SCML4: variants seen among roughly 807,000 people sequenced by gnomAD.
The protein encoded by SCML4 is Scm polycomb group protein like 4.
A neutral mutation model predicts 41.1 loss-of-function variants in SCML4; 34 were observed. The ratio of observed to expected loss-of-function variants is 0.83; its 90% CI spans 0.63 to 1.10. The LOEUF is 1.10. Ranked by LOEUF, SCML4 falls within the 50% of genes least tolerant of loss-of-function variation. SCML4 has a pLI of 0.00. For missense variants in SCML4, 522 were observed against 534.1 expected (o/e 0.98, Z 0.22); for synonymous variants, 214 against 220.9 (o/e 0.97, Z 0.28).
chr6:107,786,911 T>C (rs1781939926), intron 1 of SCML4, among the ~76,000 whole-genome samples: 1 of 152,226 alleles, frequency 6.6e-6, no homozygotes, highest in South Asian at 2.1e-4. Context: ...TCATCTCTTT[T>C]AATTTTCACA....
intron 3 of SCML4, among the ~76,000 whole-genome samples, chr6:107,748,630 C>T (rs1235073114): frequency 1.3e-5 from 2 of 152,216 alleles, no homozygotes; most frequent in Admixed American, 1.3e-4. Flanking sequence ...GACCTTCATA[C>T]AGGCACTATG....
chr6:107,759,442 G>A (rs1011115930), intron 2 of SCML4, among the ~76,000 whole-genome samples: 6 of 152,150 alleles, frequency 3.9e-5, no homozygotes, highest in African/African-American at 1.2e-4. Context: ...GAGGTATCAC[G>A]TGGTCTAGCT....
At chr6:107,821,723 G>A (rs530972302) in intron 1 of SCML4, among the ~76,000 whole-genome samples, 4 of 152,248 alleles carry the variant, frequency 2.6e-5, no homozygotes, top group African/African-American at 9.6e-5. Flanking sequence ...GGCACATCCC[G>A]GCTCCCTGGC....
chr6:107,792,111 C>G (rs77663728), intron 1 of SCML4, among the ~76,000 whole-genome samples: 7,153 of 152,124 alleles, frequency 0.047, 577 homozygotes, highest in African/African-American at 0.16. Context: ...TAAAATTTCC[C>G]GAGATTATTT....
chr6:107,772,972 T>C (rs1780639133), intron 1 of SCML4, among the ~76,000 whole-genome samples: 1 of 152,174 alleles, frequency 6.6e-6, no homozygotes, highest in African/African-American at 2.4e-5. Flanking sequence ...TTCACATGAT[T>C]TAGAATTGCA....
chr6:107,713,829 A>C (rs1467076785), intron 6 of SCML4, among the ~76,000 whole-genome samples: 1 of 152,188 alleles, frequency 6.6e-6, no homozygotes. Flanking sequence ...ACCTGCTCCC[A>C]CTAGATGCAT....
At chr6:107,764,346 C>T (rs940999878) in intron 2 of SCML4, among the ~76,000 whole-genome samples, 1 of 152,220 alleles carries the variant, frequency 6.6e-6, no homozygotes, top group African/African-American at 2.4e-5. Context: ...CTAACACTTT[C>T]TTAGGAAAGT....
At chr6:107,720,467 A>G in intron 6 of SCML4, 1 of 1,220,642 alleles carries the variant, frequency 8.2e-7, no homozygotes. Flanking sequence ...TACATTTTGG[A>G]GTCTACGTAT....
chr6:107,780,782 G>C (rs754143445), intron 1 of SCML4, among the ~76,000 whole-genome samples: 2 of 151,728 alleles, frequency 1.3e-5, no homozygotes, highest in Non-Finnish European at 2.9e-5. Flanking sequence ...CATATCTTGG[G>C]GATAGAGAAG....
chr6:107,719,254 C>T (rs1372319241), intron 6 of SCML4: 1 of 152,372 alleles, frequency 6.6e-6, no homozygotes, highest in African/African-American at 2.4e-5. Flanking sequence ...AGAATCTGCG[C>T]TCTACCCCTC....
At chr6:107,804,260 T>TGTGTGTGTGTGC (rs1448528178) in intron 1 of SCML4, among the ~76,000 whole-genome samples, 1 of 151,650 alleles carries the variant, frequency 6.6e-6, no homozygotes, top group South Asian at 2.1e-4. Flanking sequence ...TGTGTGTGTG[T>TGTGTGTGTGTGC]GCACAACTTG....
chr6:107,738,656 T>C (rs1278811372), intron 5 of SCML4, among the ~76,000 whole-genome samples: 2 of 151,780 alleles, frequency 1.3e-5, no homozygotes, highest in Non-Finnish European at 2.9e-5. Flanking sequence ...ATTTCAAAAG[T>C]CTGAGGAAGA....
intron 5 of SCML4, among the ~76,000 whole-genome samples, chr6:107,729,533 TAC>T (rs2098548150): frequency 2.0e-5 from 3 of 152,332 alleles, no homozygotes; most frequent in South Asian, 4.1e-4. Context: ...GGGTTCCAGA[TAC>T]CCGAGAATTT....
At chr6:107,787,517 C>T (rs1232716314) in intron 1 of SCML4, among the ~76,000 whole-genome samples, 1 of 152,192 alleles carries the variant, frequency 6.6e-6, no homozygotes, top group East Asian at 1.9e-4. Flanking sequence ...TCTATTTATA[C>T]TTTACATTTA....
chr6:107,763,387 T>A (rs2114546454), intron 2 of SCML4, among the ~76,000 whole-genome samples: 1 of 151,804 alleles, frequency 6.6e-6, no homozygotes, highest in African/African-American at 2.4e-5. Flanking sequence ...CTTGTTTTTT[T>A]TTTTTTTGTA....
chr6:107,745,810 T>C (rs976168128), intron 4 of SCML4: 1 of 152,156 alleles, frequency 6.6e-6, no homozygotes, highest in African/African-American at 2.4e-5. Context: ...GGTAACATAG[T>C]GAGGCATTCA....
the SCML4 span, among the ~76,000 whole-genome samples, chr6:107,839,748 T>A: frequency 6.6e-6 from 1 of 152,126 alleles, no homozygotes; most frequent in East Asian, 1.9e-4. Flanking sequence ...GTACTATAAA[T>A]ATGACTTCAA....
intron 1 of SCML4, among the ~76,000 whole-genome samples, chr6:107,823,056 T>C (rs1256951693): frequency 6.6e-6 from 1 of 151,766 alleles, no homozygotes; most frequent in Non-Finnish European, 1.5e-5. Flanking sequence ...ATATCCCTCA[T>C]TCTTCAAAAA....
At chr6:107,717,415 C>T (rs1774946140) in intron 6 of SCML4, among the ~76,000 whole-genome samples, 1 of 152,166 alleles carries the variant, frequency 6.6e-6, no homozygotes, top group South Asian at 2.1e-4. Flanking sequence ...TGATACATCA[C>T]ATAGCAGCTT....
Sources: gnomAD v4.1 joint callset for allele counts (sites outside exome capture counted in the v4.1 genomes callset) on GRCh38, gnomAD v4.1.1 for gene constraint, MANE v1.5 for transcripts, NCBI Gene and HGNC (gene_info 2026-07-23, HGNC 2026-07-21) for gene names.